Variants in KCNJ3 observed in about 807,000 individuals in gnomAD.
The protein encoded by KCNJ3 is potassium inwardly rectifying channel subfamily J member 3, also known as G protein-activated inward rectifier potassium channel 1.
Under a neutral mutation model 39.2 loss-of-function variants are expected in KCNJ3, and 4 were observed. That is an observed-to-expected ratio of 0.10 (90% CI 0.05 to 0.23). KCNJ3 has a LOEUF of 0.23. Ranked by LOEUF, KCNJ3 falls within the 10% of genes least tolerant of loss-of-function variation. KCNJ3 has a pLI of 1.00. For missense variants in KCNJ3, 276 were observed against 634.9 expected, an observed-to-expected ratio of 0.43 and a Z score of 6.08; for synonymous variants, 230 against 237.4, an observed-to-expected ratio of 0.97 and a Z score of 0.29.
intron 2 of KCNJ3, among the ~76,000 whole-genome samples, chr2:154,837,099 C>G (rs1243212548): frequency 6.6e-6 from 1 of 152,084 alleles, no homozygotes; most frequent in Non-Finnish European, 1.5e-5. Flanking sequence ...ATGTCCAATT[C>G]CTGTAATTAT....
At chr2:154,821,593 G>C (rs1456613944) in intron 2 of KCNJ3, among the ~76,000 whole-genome samples, 1 of 148,810 alleles carries the variant, frequency 6.7e-6, no homozygotes, top group Non-Finnish European at 1.5e-5. Context: ...GAGCAGATAT[G>C]CTAGCACCAA....
In KCNJ3 at chr2:154,699,471, G is replaced by C; in HGVS notation, c.696G>C (p.Leu232=). 1 of 1,585,950 alleles carries C rather than the reference G, an allele frequency of 6.3e-7. No homozygotes were observed. Among genetic ancestry groups the C allele is most frequent in the Non-Finnish European group, 8.5e-7 (1 of 1,171,560 alleles). Residue 232 remains leucine, a synonymous_variant, in exon 1 of 3, where the codon CTG becomes CTC. Coordinates refer to ENST00000295101, the MANE Select transcript of KCNJ3 (RefSeq NM_002239.4). The surrounding 1 kb of genome is among the most constrained non-coding windows in gnomAD (Gnocchi z 6.4). ...HMVSAQIRCK[L]LKSRQTPEGE... ...TCTCCGCGCAGATTCGCTGCAAGCT[G>C]CTCAAAGTAAGTGCTCCCCGCCCCT...
At chr2:154,850,015 T>TTTTTTTG (rs1283354137) in intron 2 of KCNJ3, among the ~76,000 whole-genome samples, 6 of 29,486 alleles carry the variant, frequency 2.0e-4, no homozygotes, top group Non-Finnish European at 3.6e-4. Context: ...AATCTTTTTT[T>TTTTTTTG]TTTTTTTTTT....
chr2:154,757,543 T>C (rs1685962892), intron 2 of KCNJ3, among the ~76,000 whole-genome samples: 2 of 152,190 alleles, frequency 1.3e-5, no homozygotes, highest in South Asian at 2.1e-4. Flanking sequence ...GATCTTATTA[T>C]GTAGTAAGAA....
intron 2 of KCNJ3, among the ~76,000 whole-genome samples, chr2:154,733,195 G>A (rs1685472884): frequency 6.6e-6 from 1 of 151,940 alleles, no homozygotes; most frequent in Non-Finnish European, 1.5e-5. Context: ...ATTTTTTAGT[G>A]TCTATATTTG....
At chr2:154,804,769 G>GTGTATCAGTATCAGTATCAGTA (rs1353550597) in intron 2 of KCNJ3, among the ~76,000 whole-genome samples, 1 of 152,082 alleles carries the variant, frequency 6.6e-6, no homozygotes, top group Non-Finnish European at 1.5e-5. Context: ...TGAAAGCTGG[G>GTGTATCAGTATCAGTATCAGTA]TCAGTATCAC....
chr2:154,843,147 C>T (rs376095227), intron 2 of KCNJ3, among the ~76,000 whole-genome samples: 1 of 152,294 alleles, frequency 6.6e-6, no homozygotes, highest in South Asian at 2.1e-4. Flanking sequence ...GACAAAATCT[C>T]TCAGCATTTG....
intron 2 of KCNJ3, 46 bp from the exon 3 acceptor site, chr2:154,854,681 G>T (rs1237009417): frequency 1.4e-6 from 2 of 1,434,574 alleles, no homozygotes; most frequent in South Asian, 1.3e-5. Flanking sequence ...CTTTACATGT[G>T]CTTCCACTAT....
chr2:154,774,586 T>C (rs1216972892), intron 2 of KCNJ3, among the ~76,000 whole-genome samples: 2 of 152,136 alleles, frequency 1.3e-5, no homozygotes, highest in East Asian at 3.9e-4. Flanking sequence ...ATCATTTTCA[T>C]TGGTTTAAAG....
At chr2:154,729,940 C>A (rs1685422561) in intron 2 of KCNJ3, among the ~76,000 whole-genome samples, 1 of 152,018 alleles carries the variant, frequency 6.6e-6, no homozygotes, top group Non-Finnish European at 1.5e-5. Context: ...GGCAGTCAGG[C>A]TGATCCATTT....
At chr2:154,706,093 A>C (rs942022343) in intron 1 of KCNJ3, among the ~76,000 whole-genome samples, 1 of 152,148 alleles carries the variant, frequency 6.6e-6, no homozygotes, top group Admixed American at 6.5e-5. Flanking sequence ...CAAACTTAGT[A>C]ATCAACTTCT....
intron 2 of KCNJ3, among the ~76,000 whole-genome samples, chr2:154,777,724 T>C (rs1198166557): frequency 2.0e-5 from 3 of 152,220 alleles, no homozygotes; most frequent in African/African-American, 7.2e-5. Flanking sequence ...ATTTCTTCAG[T>C]AATGCTTTTG....
chr2:154,734,247 C>T (rs1322778553), intron 2 of KCNJ3, among the ~76,000 whole-genome samples: 1 of 152,118 alleles, frequency 6.6e-6, no homozygotes, highest in Non-Finnish European at 1.5e-5. Flanking sequence ...ATGGCAAGGA[C>T]GCCTTAGTTT....
chr2:154,842,682 T>C (rs767814623), intron 2 of KCNJ3, among the ~76,000 whole-genome samples: 1 of 152,244 alleles, frequency 6.6e-6, no homozygotes, highest in Non-Finnish European at 1.5e-5. Flanking sequence ...TTGATTCCTT[T>C]ACCATTATGT....
In KCNJ3 at chr2:154,709,275, G is replaced by A. The variant is rs930609595; in HGVS notation, c.703-328G>A. Reference sequence around the variant, plus strand: ...GGCATGCAATGAGTTATCCTGCAGTGATTGCTGTCAAGCAGCAGCACATGC... The same window carrying A: ...GGCATGCAATGAGTTATCCTGCAGTAATTGCTGTCAAGCAGCAGCACATGC... On this transcript the variant is annotated intron_variant, in intron 1 of 2. Coordinates refer to ENST00000295101, the MANE Select transcript of KCNJ3 (RefSeq NM_002239.4). 18 of 353,786 alleles carry A rather than the reference G, an allele frequency of 5.1e-5. No individual in the cohort carries two copies. In the Middle Eastern group the frequency reaches 2.5e-3, roughly 48 times the overall value. 21.9% of individuals were successfully genotyped at this position (353,786 alleles called of 1,614,324 possible).
chr2:154,723,019 G>A (rs1331387789), intron 2 of KCNJ3, among the ~76,000 whole-genome samples: 1 of 152,120 alleles, frequency 6.6e-6, no homozygotes, highest in East Asian at 1.9e-4. Context: ...GGTGGCTCGT[G>A]CCTGTCATCC....
At chr2:154,704,595 A>G (rs1044430031) in intron 1 of KCNJ3, among the ~76,000 whole-genome samples, 3 of 152,152 alleles carry the variant, frequency 2.0e-5, no homozygotes, top group Non-Finnish European at 4.4e-5. Context: ...CCATCTGAGT[A>G]TTCATGGAGT....
At chr2:154,802,550 T>A (rs1007212246) in intron 2 of KCNJ3, among the ~76,000 whole-genome samples, 2 of 152,150 alleles carry the variant, frequency 1.3e-5, no homozygotes, top group African/African-American at 4.8e-5. Flanking sequence ...ATCTTTTAAG[T>A]ATATTGACAT....
intron 2 of KCNJ3, among the ~76,000 whole-genome samples, chr2:154,716,969 C>A (rs1685191772): frequency 6.6e-6 from 1 of 152,156 alleles, no homozygotes; most frequent in Admixed American, 6.6e-5. Flanking sequence ...GAGGGAAAAA[C>A]GAACTGAACT....
Sources: gnomAD v4.1 joint callset for allele counts (sites outside exome capture counted in the v4.1 genomes callset) on GRCh38, gnomAD v4.1.1 for gene constraint, Gnocchi (gnomAD v3.1) non-coding constraint, MANE v1.5 for transcripts, NCBI Gene and HGNC (gene_info 2026-07-23, HGNC 2026-07-21) for gene names.